XNDC1N: variants seen among roughly 807,000 people sequenced by gnomAD.
The protein encoded by XNDC1N is XRCC1 N-terminal domain containing 1, N-terminal like.
At chr11:71,918,946 A>G in the XNDC1N span, 3 of 702,534 alleles carry the variant, frequency 4.3e-6, no homozygotes, top group South Asian at 4.4e-5. Flanking sequence ...TCAATTGCCC[A>G]CTCTTGTCCT....
the XNDC1N span, among the ~76,000 whole-genome samples, chr11:71,895,851 T>C: frequency 6.6e-6 from 1 of 152,232 alleles, no homozygotes; most frequent in South Asian, 2.1e-4. Flanking sequence ...TGAAGTATTA[T>C]GCAACCTAAA....
At chr11:71,896,557 T>C in the XNDC1N span, among the ~76,000 whole-genome samples, 4 of 152,266 alleles carry the variant, frequency 2.6e-5, no homozygotes, top group Non-Finnish European at 5.9e-5. Context: ...CTTGAAATCA[T>C]GCTGGTTTTT....
the XNDC1N span, among the ~76,000 whole-genome samples, chr11:71,886,237 C>T: frequency 2.6e-5 from 4 of 152,118 alleles, no homozygotes; most frequent in East Asian, 1.9e-4. Context: ...AATTGATTTG[C>T]TCCAAACTGT....
At chr11:71,889,339 A>T in the XNDC1N span, among the ~76,000 whole-genome samples, 2 of 152,378 alleles carry the variant, frequency 1.3e-5, no homozygotes, top group East Asian at 3.9e-4. Flanking sequence ...AGGGGACACC[A>T]GCGAGCTTCC....
the XNDC1N span, among the ~76,000 whole-genome samples, chr11:71,883,289 A>T: frequency 5.3e-5 from 8 of 152,226 alleles, no homozygotes; most frequent in African/African-American, 1.9e-4. Flanking sequence ...TAGTCAAAAC[A>T]ATGAGCAAGA....
the XNDC1N span, among the ~76,000 whole-genome samples, chr11:71,888,827 C>T: frequency 6.6e-6 from 1 of 152,200 alleles, no homozygotes; most frequent in Non-Finnish European, 1.5e-5. Context: ...CTGTGAAAAT[C>T]CCCGTATAAC....
chr11:71,918,757 C>T, the XNDC1N span: 1 of 617,078 alleles, frequency 1.6e-6, no homozygotes, highest in Non-Finnish European at 2.9e-6. Context: ...TTCCCTTTGA[C>T]ACCCAGGTAA....
At chr11:71,914,621 A>G in the XNDC1N span, among the ~76,000 whole-genome samples, 2 of 151,660 alleles carry the variant, frequency 1.3e-5, no homozygotes, top group Admixed American at 1.3e-4. Flanking sequence ...CGGGAGGCAG[A>G]GGTTGCAGTG....
At chr11:71,892,507 G>A in the XNDC1N span, among the ~76,000 whole-genome samples, 1 of 151,986 alleles carries the variant, frequency 6.6e-6, no homozygotes, top group Non-Finnish European at 1.5e-5. Flanking sequence ...TATCTTTCTA[G>A]GATATTACAA....
the XNDC1N span, among the ~76,000 whole-genome samples, chr11:71,911,232 T>C: frequency 1.3e-5 from 2 of 152,238 alleles, no homozygotes; most frequent in African/African-American, 4.8e-5. Flanking sequence ...AGGACATCAT[T>C]GGCTAACGAA....
chr11:71,915,531 ATGTG>A, the XNDC1N span, among the ~76,000 whole-genome samples: 1 of 152,188 alleles, frequency 6.6e-6, no homozygotes. Context: ...AAACCAAAAA[ATGTG>A]TGTGACTTGC....
the XNDC1N span, among the ~76,000 whole-genome samples, chr11:71,904,874 A>C: frequency 6.6e-6 from 1 of 152,018 alleles, no homozygotes; most frequent in East Asian, 1.9e-4. Context: ...TGTTGAATAC[A>C]CATGATATAC....
At chr11:71,923,893 G>A in the XNDC1N span, among the ~76,000 whole-genome samples, 2 of 152,120 alleles carry the variant, frequency 1.3e-5, no homozygotes, top group African/African-American at 4.8e-5. Context: ...GGGCCTGGTG[G>A]GAGTGGTGGC....
At chr11:71,907,607 C>T in the XNDC1N span, among the ~76,000 whole-genome samples, 3 of 152,018 alleles carry the variant, frequency 2.0e-5, no homozygotes, top group Non-Finnish European at 4.4e-5. Context: ...GTAATATCAT[C>T]CTCTTCCTCT....
At chr11:71,874,589 A>G in the XNDC1N span, among the ~76,000 whole-genome samples, 2 of 152,240 alleles carry the variant, frequency 1.3e-5, no homozygotes, top group Admixed American at 6.5e-5. Context: ...GTAGATGTCA[A>G]GTAAATAGTT....
chr11:71,875,348 G>A, the XNDC1N span, among the ~76,000 whole-genome samples: 46 of 152,016 alleles, frequency 3.0e-4, 1 homozygote, highest in South Asian at 2.1e-4. Flanking sequence ...ATCAAGTAAT[G>A]TGTTATATCT....
the XNDC1N span, among the ~76,000 whole-genome samples, chr11:71,894,764 G>A: frequency 6.6e-6 from 1 of 152,206 alleles, no homozygotes; most frequent in East Asian, 1.9e-4. Context: ...CAATGTACAG[G>A]AGGTCCTCCA....
At chr11:71,898,877 C>A in the XNDC1N span, among the ~76,000 whole-genome samples, 3 of 151,832 alleles carry the variant, frequency 2.0e-5, no homozygotes, top group African/African-American at 7.3e-5. Flanking sequence ...TTTATACTGG[C>A]CATTCTATAT....
chr11:71,885,381 C>A, the XNDC1N span, among the ~76,000 whole-genome samples: 2 of 152,274 alleles, frequency 1.3e-5, no homozygotes, highest in Admixed American at 1.3e-4. Context: ...AGCCCCTCCG[C>A]TTTGGAATGT....
Sources: allele counts gnomAD v4.1 joint callset (sites outside exome capture counted in the v4.1 genomes callset), GRCh38; gene constraint gnomAD v4.1.1; transcripts MANE v1.5; gene names NCBI Gene and HGNC (gene_info 2026-07-23, HGNC 2026-07-21).